Variants in ARID5B observed in about 807,000 individuals in gnomAD.
ARID5B encodes the protein AT-rich interaction domain 5B, also known as AT-rich interactive domain-containing protein 5B.
ARID5B carries 13 observed loss-of-function variants against 97.2 expected under a neutral mutation model. The ratio of observed to expected loss-of-function variants is 0.13; its 90% CI spans 0.09 to 0.21. The LOEUF is 0.21. Among genes scored for constraint, ARID5B ranks in the 10% least tolerant of loss-of-function variants. ARID5B has a pLI of 1.00. For missense variants in ARID5B, 1,210 were observed against 1,465.3 expected, an observed-to-expected ratio of 0.83 and a Z score of 2.84; for synonymous variants, 556 against 570.3, an observed-to-expected ratio of 0.97 and a Z score of 0.36.
At chr10:62,087,569 C>G (rs376360134) in intron 9 of ARID5B, among the ~76,000 whole-genome samples, 1 of 149,794 alleles carries the variant, frequency 6.7e-6, no homozygotes, top group East Asian at 2.0e-4. Context: ...CATTTGGAGA[C>G]AGCATGTTCT....
At position 62,094,031 on chromosome 10, in the gene ARID5B, A is replaced by G. The variant is rs1330939874; in HGVS notation, c.*1001A>G. On this transcript the variant is annotated 3_prime_UTR_variant, in exon 10 of 10. Transcript: ENST00000279873. ...AAATATTGAGCATTGTACTTACCTT[A>G]TCTAGGCTGTGAAACTGTCCTACAT... 8.6e-6 allele frequency: 2 copies of G among 233,552 alleles called. No homozygotes were observed. The highest frequency in any genetic ancestry group is 2.2e-5 in the African/African-American group (1 of 45,358). The allele number at this position is 233,552 out of a possible 1,614,324, so 14.5% of individuals were successfully genotyped here.
At chr10:61,957,233 A>C (rs996783764) in intron 3 of ARID5B, among the ~76,000 whole-genome samples, 3 of 152,166 alleles carry the variant, frequency 2.0e-5, no homozygotes, top group African/African-American at 4.8e-5. Context: ...AAGCAGTATA[A>C]ATTTTTTTTT....
intron 4 of ARID5B, among the ~76,000 whole-genome samples, chr10:62,034,903 T>A (rs753857695): frequency 4.6e-5 from 7 of 152,254 alleles, no homozygotes; most frequent in Admixed American, 1.3e-4. Flanking sequence ...CAGTCTGCCA[T>A]CTTCCCCAGG....
At chr10:62,019,461 G>A (rs1163654755) in intron 4 of ARID5B, among the ~76,000 whole-genome samples, 1 of 152,162 alleles carries the variant, frequency 6.6e-6, no homozygotes, top group East Asian at 1.9e-4. Flanking sequence ...TTTACAAAGT[G>A]ACATAAAATA....
chr10:61,999,885 G>A (rs2132867059), intron 3 of ARID5B, among the ~76,000 whole-genome samples: 1 of 152,254 alleles, frequency 6.6e-6, no homozygotes. Context: ...CTGCAAGAAG[G>A]TCCACTGTGC....
chr10:62,001,819 T>C (rs572934970), intron 4 of ARID5B, among the ~76,000 whole-genome samples: 2 of 152,366 alleles, frequency 1.3e-5, no homozygotes, highest in African/African-American at 4.8e-5. Flanking sequence ...CAACACTGTT[T>C]GTATTTATTT....
In ARID5B at chr10:61,964,637, C is replaced by T. The variant is rs150898445; in HGVS notation, c.502+24229C>T. ...GAGAAGAAAATCTCCCCCAATCAAACACCTTGTTTACATAGGCATGCTTAA... is the reference window on the plus strand; with the variant it reads ...GAGAAGAAAATCTCCCCCAATCAAATACCTTGTTTACATAGGCATGCTTAA... On this transcript the variant is annotated intron_variant, in intron 3 of 9. Transcript: ENST00000279873. Among the ~76,000 whole-genome samples the T allele has an allele frequency of 2.6e-4, 39 of 152,304 alleles. 1 individual carries two copies. In the East Asian group the frequency reaches 7.5e-3, roughly 29 times the overall value.
chr10:61,928,583 G>A (rs1183193674), intron 2 of ARID5B, among the ~76,000 whole-genome samples: 1 of 152,068 alleles, frequency 6.6e-6, no homozygotes, highest in South Asian at 2.1e-4. Flanking sequence ...ATGAGCCACC[G>A]TACCTGCCCC....
chr10:62,085,665 C>T (rs374176241), intron 8 of ARID5B, 37 bp from the exon 9 acceptor site: 29 of 1,544,272 alleles, frequency 1.9e-5, no homozygotes, highest in Non-Finnish European at 1.1e-5. Flanking sequence ...ACTGGAATTA[C>T]TCAACTGACC....
At chr10:61,976,178 C>G (rs1320836481) in intron 3 of ARID5B, among the ~76,000 whole-genome samples, 1 of 152,170 alleles carries the variant, frequency 6.6e-6, no homozygotes, top group Non-Finnish European at 1.5e-5. Flanking sequence ...CAGTAAGGTA[C>G]CACTGGCTAC....
intron 7 of ARID5B, among the ~76,000 whole-genome samples, chr10:62,069,179 T>G (rs148039878): frequency 3.8e-4 from 58 of 152,356 alleles, no homozygotes; most frequent in African/African-American, 1.4e-3. Flanking sequence ...TGTAGTAATT[T>G]TATTTATTTT....
Position 62,086,709 on chromosome 10 carries a change from A to AAAAAAAAAAAAC in ARID5B, c.1398+812_1398+813insAAAAAAAACAAA, listed in dbSNP as rs778821864. On this transcript the variant is annotated intron_variant, in intron 9 of 9. Transcript: ENST00000279873. The stretch of plus-strand genomic sequence containing the variant: ...CCATCTCAAAAAAAAAAAAAAAAAA[A>AAAAAAAAAAAAC]AAATATCAGGCATGGTGGTGCCCCG... 2.0e-3 allele frequency among the ~76,000 whole-genome samples: 227 copies of AAAAAAAAAAAAC among 114,014 alleles called. 22 individuals are homozygous for AAAAAAAAAAAAC. Among genetic ancestry groups the AAAAAAAAAAAAC allele is most frequent in the African/African-American group, 5.5e-3 (172 of 31,222 alleles). The allele number at this position is 114,014 out of a possible 152,430, so 74.8% of individuals were successfully genotyped here.
rs1466713542 is a variant in ARID5B at position 61,955,171 on chromosome 10, TTATA to T, written c.502+14766_502+14769del. 2.6e-5 allele frequency among the ~76,000 whole-genome samples: 4 copies of T among 152,178 alleles called. No homozygotes were observed. The East Asian group carries it at 7.7e-4, about 29-fold the overall frequency. The stretch of plus-strand genomic sequence containing the variant: ...AACACAACAAAGACTGACTTCTTGT[TTATA>T]TACTGTTCAGTGTGGGGTACATAGG... On this transcript the variant is annotated intron_variant, in intron 3 of 9. Coordinates refer to ENST00000279873, the MANE Select transcript of ARID5B (RefSeq NM_032199.3).
intron 9 of ARID5B, among the ~76,000 whole-genome samples, chr10:62,089,148 A>C (rs1840332354): frequency 6.6e-6 from 1 of 152,086 alleles, no homozygotes; most frequent in Non-Finnish European, 1.5e-5. Context: ...TGCCATACTC[A>C]TTTGTCTTTA....
chr10:62,069,024 G>A (rs1306290403), intron 7 of ARID5B, among the ~76,000 whole-genome samples: 2 of 151,978 alleles, frequency 1.3e-5, no homozygotes, highest in Admixed American at 6.6e-5. Context: ...CCATTTTCTT[G>A]ACCTAAGTGA....
At chr10:61,941,653 G>A (rs1844412654) in intron 3 of ARID5B, among the ~76,000 whole-genome samples, 1 of 152,106 alleles carries the variant, frequency 6.6e-6, no homozygotes, top group East Asian at 1.9e-4. Flanking sequence ...GAGCTGTGCT[G>A]TGTTTTGGGA....
intron 4 of ARID5B, among the ~76,000 whole-genome samples, chr10:62,019,702 A>G (rs1268437661): frequency 1.3e-5 from 2 of 152,222 alleles, no homozygotes; most frequent in Non-Finnish European, 2.9e-5. Flanking sequence ...GGGATTGGCC[A>G]TTTATAAGCC....
chr10:62,076,271 G>A (rs906641207), intron 8 of ARID5B, among the ~76,000 whole-genome samples: 2 of 152,286 alleles, frequency 1.3e-5, no homozygotes, highest in South Asian at 2.1e-4. Context: ...TGGGCATGGT[G>A]GCTCACGCCT....
At position 61,940,180 on chromosome 10, in the gene ARID5B, T is replaced by C; in HGVS notation, c.277-3T>C. 6.2e-7 allele frequency: 1 copy of C among 1,613,938 alleles called. No individual in the cohort carries two copies. The highest frequency in any genetic ancestry group is 1.1e-5 in the South Asian group (1 of 91,076). ...TTTGTTCTTCCCCAACCACCTCTTG[T>C]AGGATGAAGTCATTGCTGTTTCCGA... On this transcript the variant is annotated splice_region_variant and splice_polypyrimidine_tract_variant and intron_variant, in intron 2 of 9. Coordinates refer to ENST00000279873, the MANE Select transcript of ARID5B (RefSeq NM_032199.3).
Sources: gnomAD v4.1 joint callset for allele counts (sites outside exome capture counted in the v4.1 genomes callset) on GRCh38, gnomAD v4.1.1 for gene constraint, MANE v1.5 for transcripts, NCBI Gene and HGNC (gene_info 2026-07-23, HGNC 2026-07-21) for gene names.